The following STYXL1 variants were observed in gnomAD, a reference collection of about 807,000 sequenced individuals.
The protein encoded by STYXL1 is serine/threonine/tyrosine-interacting-like protein 1.
A neutral mutation model predicts 36.4 loss-of-function variants in STYXL1; 32 were observed. The ratio of observed to expected loss-of-function variants is 0.88; its 90% CI spans 0.66 to 1.18. The LOEUF (loss-of-function observed/expected upper bound fraction) is 1.18. Among genes scored for constraint, STYXL1 ranks in the 50% most tolerant of loss-of-function variants. The pLI is 0.00. For missense variants in STYXL1, 354 were observed against 394.1 expected (o/e 0.90, Z 0.86); for synonymous variants, 133 against 144.1 (o/e 0.92, Z 0.55).
At chr7:76,016,193 T>A (rs745554062) in intron 4 of STYXL1, among the ~76,000 whole-genome samples, 74 of 152,018 alleles carry the variant, frequency 4.9e-4, no homozygotes, top group Admixed American at 1.9e-3. Context: ...GATATATGTA[T>A]ATCTATACAT....
chr7:76,006,773 A>C (rs543532286), intron 5 of STYXL1, among the ~76,000 whole-genome samples: 1,596 of 151,870 alleles, frequency 0.011, 39 homozygotes, highest in African/African-American at 0.035. Context: ...CAAAAAAAAA[A>C]AAAAAAAAAC....
intron 3 of STYXL1, among the ~76,000 whole-genome samples, chr7:76,023,584 G>A (rs942863905): frequency 1.3e-5 from 2 of 151,990 alleles, no homozygotes; most frequent in African/African-American, 2.4e-5. Flanking sequence ...AAAAAAAGCC[G>A]GGTGTGGGAG....
At chr7:76,019,927 CAAAA>C (rs58018497) in intron 4 of STYXL1, among the ~76,000 whole-genome samples, 17 of 82,326 alleles carry the variant, frequency 2.1e-4, no homozygotes, top group Admixed American at 3.9e-4. Context: ...GACCCTGACT[CAAAA>C]AAAAAAAAAA....
chr7:76,043,944 G>C (rs1255479654), intron 1 of STYXL1: 1 of 152,130 alleles, frequency 6.6e-6, no homozygotes, highest in Non-Finnish European at 1.5e-5. Flanking sequence ...ACAATCCAAG[G>C]GCAAGCAAAG....
At chr7:76,039,097 C>G (rs1269272044) in intron 1 of STYXL1, among the ~76,000 whole-genome samples, 7 of 149,074 alleles carry the variant, frequency 4.7e-5, no homozygotes, top group Middle Eastern at 3.5e-3. Context: ...GCCACCATTC[C>G]CAGCTAACTT....
intron 1 of STYXL1, chr7:76,045,687 C>G (rs1796888740): frequency 6.6e-6 from 1 of 152,230 alleles, no homozygotes; most frequent in African/African-American, 2.4e-5. Flanking sequence ...CAGCGTGAGG[C>G]TCCATCTCAA....
At chr7:76,038,537 T>C (rs1304030833) in intron 1 of STYXL1, among the ~76,000 whole-genome samples, 3 of 148,460 alleles carry the variant, frequency 2.0e-5, no homozygotes, top group Non-Finnish European at 4.5e-5. Flanking sequence ...GCCATTCTCC[T>C]GCCTCAGCCT....
chr7:76,001,792 ATTTTTT>A (rs71082373), intron 7 of STYXL1, among the ~76,000 whole-genome samples: 22 of 96,924 alleles, frequency 2.3e-4, no homozygotes, highest in Middle Eastern at 8.2e-3. Context: ...ACTGCGCCTG[ATTTTTT>A]TTTTTTTTTT....
At chr7:76,012,569 G>A (rs1792686906) in intron 5 of STYXL1, among the ~76,000 whole-genome samples, 3 of 152,198 alleles carry the variant, frequency 2.0e-5, no homozygotes, top group South Asian at 4.2e-4. Context: ...GTGAATTTCT[G>A]TATTTTTGGT....
At chr7:76,006,074 T>C (rs1791727784) in intron 5 of STYXL1, among the ~76,000 whole-genome samples, 1 of 152,000 alleles carries the variant, frequency 6.6e-6, no homozygotes, top group Admixed American at 6.6e-5. Flanking sequence ...TTCTTTTCTT[T>C]TCTTTTTTTA....
At chr7:76,017,559 G>C (rs1793525326) in intron 4 of STYXL1, among the ~76,000 whole-genome samples, 1 of 151,798 alleles carries the variant, frequency 6.6e-6, no homozygotes, top group Non-Finnish European at 1.5e-5. Context: ...AAGAATACGA[G>C]GAGGACAGAG....
intron 5 of STYXL1, among the ~76,000 whole-genome samples, chr7:76,013,325 CAAAAA>C (rs782742797): frequency 1.2e-5 from 1 of 80,704 alleles, no homozygotes; most frequent in Admixed American, 1.3e-4. Context: ...GACTCCGTCT[CAAAAA>C]AAAAAAAAAA....
intron 5 of STYXL1, among the ~76,000 whole-genome samples, chr7:76,010,999 AAGGTC>A (rs1227228997): frequency 6.6e-6 from 1 of 152,170 alleles, no homozygotes; most frequent in African/African-American, 2.4e-5. Context: ...AGGATTGCTT[AAGGTC>A]AGGAGTTTTG....
intron 5 of STYXL1, among the ~76,000 whole-genome samples, chr7:76,011,764 A>C (rs1442925508): frequency 6.6e-6 from 1 of 152,098 alleles, no homozygotes; most frequent in Admixed American, 6.6e-5. Flanking sequence ...TCTTCCTCGA[A>C]ATCTCCTCCT....
At position 76,001,020 on chromosome 7, in the gene STYXL1, G is replaced by A. The variant is rs1554567020; in HGVS notation, c.698-18C>T. 13 of 1,603,160 alleles carry A rather than the reference G, an allele frequency of 8.1e-6. No individual in the cohort carries two copies. The highest frequency in any genetic ancestry group is 1.7e-4 in the Middle Eastern group (1 of 6,058). On this transcript the variant is annotated intron_variant, in intron 7 of 8. Transcript: ENST00000359697. Reference sequence around the variant, plus strand: ...GTGAATTTCTGCAAAAAGAAGTGGGGGGTTGGGTCATGCCTGGCCCTCCTC... The same window carrying A: ...GTGAATTTCTGCAAAAAGAAGTGGGAGGTTGGGTCATGCCTGGCCCTCCTC...
intron 4 of STYXL1, among the ~76,000 whole-genome samples, chr7:76,016,935 A>G (rs77685861): frequency 6.6e-6 from 1 of 152,190 alleles, no homozygotes; most frequent in Non-Finnish European, 1.5e-5. Context: ...ACCTGCACCC[A>G]TATGTTCACT....
intron 4 of STYXL1, among the ~76,000 whole-genome samples, chr7:76,015,519 T>C (rs1308734573): frequency 6.6e-6 from 1 of 152,114 alleles, no homozygotes; most frequent in African/African-American, 2.4e-5. Context: ...AATTGACAAG[T>C]GGGACCTAAG....
intron 7 of STYXL1, among the ~76,000 whole-genome samples, chr7:76,001,504 C>T (rs1790922237): frequency 6.6e-6 from 1 of 151,994 alleles, no homozygotes; most frequent in Admixed American, 6.6e-5. Flanking sequence ...TTCCTTCTTT[C>T]TTTGTTGAGA....
chr7:76,026,692 G>T (rs909230801), intron 3 of STYXL1, among the ~76,000 whole-genome samples: 3 of 152,240 alleles, frequency 2.0e-5, no homozygotes, highest in Admixed American at 1.3e-4. Flanking sequence ...CAGATGTGGA[G>T]ATCAAGGACA....
Sources: allele counts gnomAD v4.1 joint callset (sites outside exome capture counted in the v4.1 genomes callset), GRCh38; gene constraint gnomAD v4.1.1; transcripts MANE v1.5; gene names NCBI Gene and HGNC (gene_info 2026-07-23, HGNC 2026-07-21).